The following DNAH7 variants were observed in gnomAD, a reference collection of about 807,000 sequenced individuals.
DNAH7 encodes the protein dynein axonemal heavy chain 7.
A neutral mutation model predicts 444.6 loss-of-function variants in DNAH7; 397 were observed. The observed-to-expected ratio is 0.89, with a 90% CI of 0.82 to 0.97. The LOEUF (loss-of-function observed/expected upper bound fraction) is 0.97, where lower values mean the gene tolerates loss of function less well. Among genes scored for constraint, DNAH7 ranks in the 50% least tolerant of loss-of-function variants. The pLI is 0.00. For synonymous variants in DNAH7, 1,636 were observed against 1,624.4 expected (o/e 1.01, Z -0.17); for missense variants, 4,902 against 4,800.8 (o/e 1.02, Z -0.62).
At chr2:195,829,287 A>G (rs935985106) in intron 48 of DNAH7, among the ~76,000 whole-genome samples, 1 of 152,094 alleles carries the variant, frequency 6.6e-6, no homozygotes, top group Non-Finnish European at 1.5e-5. Context: ...TTAGTTGTCT[A>G]GATGAGGTAT....
chr2:195,880,329 TC>T (rs1317764140), intron 36 of DNAH7, among the ~76,000 whole-genome samples: 2 of 146,682 alleles, frequency 1.4e-5, no homozygotes, highest in African/African-American at 5.1e-5. Flanking sequence ...TCTTTCTTTT[TC>T]TTTTTTTTTT....
In DNAH7 at chr2:195,900,480, T is replaced by G. The variant is rs374444462; in HGVS notation, c.4350A>C (p.Thr1450=). Residue 1450 remains threonine (T), a synonymous_variant, in exon 28 of 65, where the codon ACA becomes ACC. Transcript: ENST00000312428. ...CATAGTCAGGTACCATCATTGCTAC[T>G]GTCCGAAAGAGAGCCTATGGGTAGG... The part of the protein sequence containing the change: ...LPDNLKALFR[T]VAMMVPDYAM... 5.0e-6 allele frequency: 8 copies of G among 1,613,782 alleles called. No homozygotes were observed. Among genetic ancestry groups the G allele is most frequent in the Non-Finnish European group, 5.9e-6 (7 of 1,179,800 alleles).
rs756429312 is a variant in DNAH7 at position 195,987,123 on chromosome 2, A to T, written c.1697T>A (p.Ile566Asn). The T allele has an allele frequency of 6.2e-7, 1 of 1,609,102 alleles. No homozygotes were observed. The highest frequency in any genetic ancestry group is 8.5e-7 in the Non-Finnish European group (1 of 1,178,300). Residue 566 changes from isoleucine to asparagine, a missense_variant, in exon 14 of 65, where the codon ATT becomes AAT. Coordinates refer to ENST00000312428, the MANE Select transcript of DNAH7 (RefSeq NM_018897.3). ...TTTAGCTAGAAGTTTCCCACAAATA[A>T]TATCTGCTCGCTTCACCAAAGCTCT... The part of the protein sequence containing the change: ...LIRALVKRAD[I>N]ICGKLLAKMF...
rs376677880 is a variant in DNAH7, at chr2:195,853,384, C to T, written c.8740G>A (p.Val2914Met). 148 of 1,613,964 alleles carry T rather than the reference C, an allele frequency of 9.2e-5. No homozygotes were observed. Among genetic ancestry groups the T allele is most frequent in the Non-Finnish European group, 1.2e-4 (138 of 1,179,988 alleles). Residue 2914 changes from valine (V) to methionine (M), a missense_variant, in exon 46 of 65, where the codon GTG becomes ATG. Transcript: ENST00000312428. ...GTGAAGGCTCCGAGGTAAGCAACCA[C>T]TCCGGAGGAAATGAGGATATCCCCA... ...LTGDILISSGVVAYLGAFTST... is the reference protein window; with the variant it reads ...LTGDILISSGMVAYLGAFTST...
intron 31 of DNAH7, 24 bp from the exon 32 acceptor site, chr2:195,889,005 A>C (rs776621269): frequency 1.3e-6 from 2 of 1,588,000 alleles, no homozygotes; most frequent in Non-Finnish European, 1.7e-6. Context: ...ATGTGAACAG[A>C]GGGCAAAAAC....
chr2:195,887,652 G>A (rs1701781323), intron 33 of DNAH7, among the ~76,000 whole-genome samples: 1 of 152,080 alleles, frequency 6.6e-6, no homozygotes, highest in African/African-American at 2.4e-5. Context: ...ATTTGCTCCA[G>A]GGCCAAAGTC....
rs963772810 is a variant in DNAH7, at chr2:195,737,725, T to C, written c.*196A>G. 1.6e-5 allele frequency: 7 copies of C among 429,266 alleles called. No homozygotes were observed. The African/African-American group carries it at 2.3e-4, about 14-fold the overall frequency. The allele number at this position is 429,266 out of a possible 1,614,324, so 26.6% of individuals were successfully genotyped here. A position where few individuals can be genotyped will look rare whatever the true frequency, so the allele number is the denominator to read the frequency against. On this transcript the variant is annotated 3_prime_UTR_variant, in exon 65 of 65. Coordinates refer to ENST00000312428, the MANE Select transcript of DNAH7 (RefSeq NM_018897.3). ...ATATGCCAGTGTGTTTTCTTTAGTC[T>C]TTATTTCAGAACATTTCCTTACATT...
intron 24 of DNAH7, among the ~76,000 whole-genome samples, chr2:195,921,352 T>TACACACACACACAC (rs140152411): frequency 7.8e-5 from 11 of 140,458 alleles, no homozygotes; most frequent in East Asian, 4.3e-4. Context: ...AAATGTGGTG[T>TACACACACACACAC]ACACACACAC....
At position 195,864,967 on chromosome 2, in the gene DNAH7, TGAGCCAG is replaced by T; in HGVS notation, c.6681_6687del (p.Ser2227ArgfsTer9). The T allele has an allele frequency of 6.2e-7, 1 of 1,606,864 alleles. No homozygotes were observed. Among genetic ancestry groups the T allele is most frequent in the East Asian group, 2.2e-5 (1 of 44,890 alleles). ...CTCAAAATTTCTTGAATGTAGTTGA[TGAGCCAG>T]CTTCTGTCTGTATTGTCCAGAAGGC... On this transcript the variant is annotated frameshift_variant, in exon 41 of 65. Coordinates refer to ENST00000312428, the MANE Select transcript of DNAH7 (RefSeq NM_018897.3). LOFTEE classifies it high-confidence loss of function.
At chr2:195,895,949 T>A (rs1231589530) in intron 29 of DNAH7, among the ~76,000 whole-genome samples, 1 of 152,188 alleles carries the variant, frequency 6.6e-6, no homozygotes, top group East Asian at 1.9e-4. Context: ...AGTTTTTAAA[T>A]CTATCCACCT....
chr2:195,766,497 CT>C (rs1694595778), intron 61 of DNAH7, among the ~76,000 whole-genome samples: 1 of 151,878 alleles, frequency 6.6e-6, no homozygotes, highest in East Asian at 1.9e-4. Context: ...AACAATTGAA[CT>C]TGTGGAGTTA....
chr2:195,758,064 T>C (rs1420403450), intron 61 of DNAH7, among the ~76,000 whole-genome samples: 1 of 152,242 alleles, frequency 6.6e-6, no homozygotes, highest in East Asian at 1.9e-4. Context: ...TCCCTTTTAG[T>C]TCCCAGAATA....
intron 61 of DNAH7, among the ~76,000 whole-genome samples, chr2:195,758,187 A>C (rs576089592): frequency 1.3e-5 from 2 of 152,210 alleles, no homozygotes; most frequent in Non-Finnish European, 2.9e-5. Flanking sequence ...CACTACATTG[A>C]AGACCACAGT....
At chr2:195,850,616 A>G (rs1203124741) in intron 46 of DNAH7, among the ~76,000 whole-genome samples, 1 of 152,216 alleles carries the variant, frequency 6.6e-6, no homozygotes, top group Non-Finnish European at 1.5e-5. Flanking sequence ...ACGACTACTC[A>G]GATTCAAGCT....
At chr2:195,970,380 T>A (rs945753123) in intron 16 of DNAH7, among the ~76,000 whole-genome samples, 1 of 152,198 alleles carries the variant, frequency 6.6e-6, no homozygotes, top group Non-Finnish European at 1.5e-5. Context: ...ACAATGGTGA[T>A]CTTTAATATG....
intron 10 of DNAH7, 146 bp downstream of exon 10, chr2:196,012,641 C>T: frequency 1.2e-6 from 1 of 835,896 alleles, no homozygotes; most frequent in Non-Finnish European, 1.8e-6. Flanking sequence ...ATATTACAGA[C>T]TAAGATAATT....
chr2:196,029,105 A>T (rs1695871886), intron 5 of DNAH7, among the ~76,000 whole-genome samples: 1 of 152,200 alleles, frequency 6.6e-6, no homozygotes, highest in East Asian at 1.9e-4. Flanking sequence ...TAGCACATGG[A>T]GAGAAAAGGG....
chr2:195,975,403 C>G (rs1692122330), intron 15 of DNAH7, among the ~76,000 whole-genome samples: 1 of 152,156 alleles, frequency 6.6e-6, no homozygotes, highest in Non-Finnish European at 1.5e-5. Flanking sequence ...GGGAAATCAC[C>G]CATTCCAGAT....
rs766604966 is a variant in DNAH7 at position 195,771,651 on chromosome 2, T to C, written c.11433+9A>G. On this transcript the variant is annotated intron_variant, in intron 61 of 64. Transcript: ENST00000312428. Reference sequence around the variant, plus strand: ...TAATGGGGGTTTTTTTTGGTGTTTTTCACCTTACCTTGATTGCTTTTTGAA... The same window carrying C: ...TAATGGGGGTTTTTTTTGGTGTTTTCCACCTTACCTTGATTGCTTTTTGAA... The C allele has an allele frequency of 2.5e-6, 4 of 1,603,508 alleles. No homozygotes were observed. In the Admixed American group the frequency reaches 6.7e-5, roughly 27 times the overall value.
Sources: gnomAD v4.1 joint callset for allele counts (sites outside exome capture counted in the v4.1 genomes callset) on GRCh38, gnomAD v4.1.1 for gene constraint, MANE v1.5 for transcripts, NCBI Gene and HGNC (gene_info 2026-07-23, HGNC 2026-07-21) for gene names.